Variants in CHL1 observed in about 807,000 individuals in gnomAD.
The protein encoded by CHL1 is cell adhesion molecule L1 like.
In CHL1, 96 loss-of-function variants were observed where a neutral mutation model predicts 141.9. The observed-to-expected ratio is 0.68, with a 90% CI of 0.57 to 0.80. CHL1 has a LOEUF of 0.80. CHL1 is among the 30% of genes least tolerant of loss of function. CHL1 has a pLI of 0.00. For synonymous variants in CHL1, 613 were observed against 502.2 expected (o/e 1.22, Z -2.95); for missense variants, 1,820 against 1,457.2 (o/e 1.25, Z -4.05).
intron 12 of CHL1, 143 bp from the exon 13 acceptor site, chr3:361,556 G>T: frequency 1.8e-6 from 1 of 568,398 alleles, no homozygotes; most frequent in Non-Finnish European, 3.2e-6. Context: ...TATTGAATTG[G>T]GATACTTCTA....
At chr3:363,164 G>C (rs1183441034) in intron 13 of CHL1, 53 bp from the exon 14 acceptor site, 1 of 1,497,366 alleles carries the variant, frequency 6.7e-7, no homozygotes, top group African/African-American at 1.4e-5. Context: ...GTATTAAAAA[G>C]CGTATACAAT....
chr3:401,484 G>A (rs1709130957), intron 26 of CHL1, 142 bp from the exon 27 acceptor site: 2 of 572,112 alleles, frequency 3.5e-6, no homozygotes, highest in Non-Finnish European at 6.1e-6. Context: ...TGTAGGTATA[G>A]CCAGAAAAAA....
At chr3:354,836 C>G in intron 11 of CHL1, 65 bp downstream of exon 11, 6 of 1,577,682 alleles carry the variant, frequency 3.8e-6, no homozygotes, top group Non-Finnish European at 3.4e-6. Flanking sequence ...TAATGATGGT[C>G]AGACGTGTGT....
At chr3:324,597 A>C (rs957850216) in intron 3 of CHL1, among the ~76,000 whole-genome samples, 10 of 147,144 alleles carry the variant, frequency 6.8e-5, no homozygotes, top group Admixed American at 4.2e-4. Flanking sequence ...AGGCAAAATC[A>C]CTTCCTACTT....
At position 207,564 on chromosome 3, in the gene CHL1, G is replaced by A. The variant is rs543780998; in HGVS notation, c.-175+10501G>A. 2.0e-5 allele frequency among the ~76,000 whole-genome samples: 3 copies of A among 152,170 alleles called. No individual in the cohort carries two copies. The South Asian group carries it at 6.2e-4, about 32-fold the overall frequency. ...AAAAACTGAAAACACTGCCCACAAG[G>A]GTAAACATATAGGCAATAACAATTT... On this transcript the variant is annotated intron_variant, in intron 1 of 27. Transcript: ENST00000256509.
intron 19 of CHL1, among the ~76,000 whole-genome samples, chr3:386,190 G>C (rs1489838971): frequency 1.5e-5 from 2 of 137,070 alleles, no homozygotes; most frequent in African/African-American, 2.8e-5. Context: ...CATGATAATG[G>C]TCAGAGGGAC....
At chr3:254,969 T>C (rs1052703125) in intron 2 of CHL1, among the ~76,000 whole-genome samples, 15 of 152,220 alleles carry the variant, frequency 9.9e-5, no homozygotes, top group African/African-American at 3.6e-4. Flanking sequence ...GCCAAAGTTA[T>C]ATTTCCTATT....
At chr3:261,242 A>AT (rs766004074) in intron 2 of CHL1, among the ~76,000 whole-genome samples, 51 of 151,868 alleles carry the variant, frequency 3.4e-4, no homozygotes, top group Middle Eastern at 3.4e-3. Flanking sequence ...TTACTAATTT[A>AT]TTTTTTTTAC....
chr3:242,464 T>C (rs11129068), intron 1 of CHL1, among the ~76,000 whole-genome samples: 137,953 of 145,222 alleles, frequency 0.95, 65,502 homozygotes, highest in East Asian at 0.99. Context: ...GGCGTGGTGG[T>C]GGGCGCCTGT....
chr3:344,484 C>CAA (rs1376367499), intron 8 of CHL1, 105 bp from the exon 9 acceptor site: 1 of 765,298 alleles, frequency 1.3e-6, no homozygotes, highest in African/African-American at 1.8e-5. Context: ...CACACACACA[C>CAA]ACACACTCGT....
chr3:368,033 T>C (rs1387205063), intron 15 of CHL1, among the ~76,000 whole-genome samples: 1 of 152,216 alleles, frequency 6.6e-6, no homozygotes, highest in East Asian at 1.9e-4. Context: ...GTCTTTACTA[T>C]TGTAAATAGT....
chr3:378,028 C>A, intron 16 of CHL1, 86 bp downstream of exon 16: 3 of 1,197,092 alleles, frequency 2.5e-6, no homozygotes, highest in Non-Finnish European at 3.4e-6. Flanking sequence ...GCTAATGATT[C>A]TTTGAGCCCC....
chr3:368,046 T>C lies in CHL1; in HGVS notation c.1751+1931T>C, dbSNP rs545979327. 5.8e-4 allele frequency among the ~76,000 whole-genome samples: 88 copies of C among 152,346 alleles called. 1 individual carries two copies. Among genetic ancestry groups the C allele is most frequent in the African/African-American group, 2.1e-3 (86 of 41,590 alleles). On this transcript the variant is annotated intron_variant, in intron 15 of 27. Transcript: ENST00000256509. ...ATGTCTTTACTATTGTAAATAGTGCTGCAATAAACATATATGTGTATGTGT... is the reference window on the plus strand; with the variant it reads ...ATGTCTTTACTATTGTAAATAGTGCCGCAATAAACATATATGTGTATGTGT...
At chr3:242,432 T>A (rs571699661) in intron 1 of CHL1, among the ~76,000 whole-genome samples, 1 of 134,676 alleles carries the variant, frequency 7.4e-6, no homozygotes, top group Admixed American at 7.8e-5. Context: ...CCGTCTCTAC[T>A]AAAAATACAA....
At chr3:236,908 A>G (rs1304701630) in intron 1 of CHL1, among the ~76,000 whole-genome samples, 2 of 152,102 alleles carry the variant, frequency 1.3e-5, no homozygotes, top group Non-Finnish European at 2.9e-5. Flanking sequence ...AACCTTGTAA[A>G]TAGCATTCAG....
rs1701145719 is a variant in CHL1, at chr3:328,075, C to A, written c.198-92C>A. 6.6e-6 allele frequency: 6 copies of A among 909,646 alleles called. No homozygotes were observed. In the African/African-American group the frequency reaches 1.0e-4, roughly 15 times the overall value. 56.3% of individuals were successfully genotyped at this position (909,646 alleles called of 1,614,324 possible). A position where few individuals can be genotyped will look rare whatever the true frequency, so the allele number is the denominator to read the frequency against. Reference sequence around the variant, plus strand: ...GTATATACTTTTTATCATAAAATGTCTTGGTTTTGTCAATTTTATGCAATT... The same window carrying A: ...GTATATACTTTTTATCATAAAATGTATTGGTTTTGTCAATTTTATGCAATT... On this transcript the variant is annotated intron_variant, in intron 4 of 27. Coordinates refer to ENST00000256509, the MANE Select transcript of CHL1 (RefSeq NM_006614.4).
chr3:361,004 G>C (rs1320833693), intron 12 of CHL1, among the ~76,000 whole-genome samples: 1 of 151,802 alleles, frequency 6.6e-6, no homozygotes, highest in Admixed American at 6.6e-5. Flanking sequence ...ATGGACATTT[G>C]GGTTGGTTCC....
At chr3:379,931 T>C (rs891272198) in intron 16 of CHL1, among the ~76,000 whole-genome samples, 1 of 152,206 alleles carries the variant, frequency 6.6e-6, no homozygotes, top group Admixed American at 6.5e-5. Context: ...GGAAAACAAT[T>C]TTTTAAAGTA....
chr3:367,377 C>T (rs1360495666), intron 15 of CHL1, among the ~76,000 whole-genome samples: 4 of 152,214 alleles, frequency 2.6e-5, no homozygotes, highest in Non-Finnish European at 1.5e-5. Context: ...AACTCTGAAG[C>T]TCAATGGCTC....
Sources: gnomAD v4.1 joint callset for allele counts (sites outside exome capture counted in the v4.1 genomes callset) on GRCh38, gnomAD v4.1.1 for gene constraint, MANE v1.5 for transcripts, NCBI Gene and HGNC (gene_info 2026-07-23, HGNC 2026-07-21) for gene names.